Variants in ASH1L observed in about 807,000 individuals in gnomAD.
ASH1L encodes histone-lysine N-methyltransferase ASH1L.
A neutral mutation model predicts 269.0 loss-of-function variants in ASH1L; 23 were observed. That is an observed-to-expected ratio of 0.09 (90% CI 0.06 to 0.12). The LOEUF is 0.12. Among genes scored for constraint, ASH1L ranks in the 10% least tolerant of loss-of-function variants. The probability of loss-of-function intolerance (pLI) is 1.00; values close to 1 mark genes in which losing one functional copy is unlikely to be tolerated. For missense variants in ASH1L, 2,912 were observed against 3,567.8 expected, an observed-to-expected ratio of 0.82 and a Z score of 4.68; for synonymous variants, 1,187 against 1,253.5, an observed-to-expected ratio of 0.95 and a Z score of 1.12.
At chr1:155,554,574 A>T (rs1338050856) in intron 1 of ASH1L, among the ~76,000 whole-genome samples, 1 of 151,970 alleles carries the variant, frequency 6.6e-6, no homozygotes, top group Non-Finnish European at 1.5e-5. Context: ...GCCCAGCCTG[A>T]ATTTTTTATT....
At chr1:155,512,365 C>T (rs555406464) in intron 2 of ASH1L, among the ~76,000 whole-genome samples, 3 of 150,516 alleles carry the variant, frequency 2.0e-5, no homozygotes, top group South Asian at 4.2e-4. Context: ...TGCAGTAAGC[C>T]GAGATCACGC....
rs1656790767 is a variant in ASH1L, at chr1:155,379,907, G to A, written c.6177+136C>T. On this transcript the variant is annotated intron_variant, in intron 8 of 27. Transcript: ENST00000392403. ...GATGGATGCAAATTCATTTTTCTTA[G>A]TCCTAACCTTCACAGGGACACTTCT... 1.3e-5 allele frequency: 8 copies of A among 612,576 alleles called. No homozygotes were observed. The South Asian group carries it at 1.8e-4, about 14-fold the overall frequency. The allele number at this position is 612,576 out of a possible 1,614,324, so 37.9% of individuals were successfully genotyped here. A position where few individuals can be genotyped will look rare whatever the true frequency, so the allele number is the denominator to read the frequency against.
chr1:155,459,757 G>C (rs113404715), intron 4 of ASH1L, 40 bp downstream of exon 4: 1 of 1,498,368 alleles, frequency 6.7e-7, no homozygotes, highest in South Asian at 1.2e-5. Context: ...TAACAAATGG[G>C]AAACTATCTT....
intron 3 of ASH1L, among the ~76,000 whole-genome samples, chr1:155,474,566 T>G (rs1665381607): frequency 6.6e-6 from 1 of 152,162 alleles, no homozygotes; most frequent in African/African-American, 2.4e-5. Context: ...CTGGCATTGG[T>G]GGCTTGCACC....
chr1:155,373,087 C>T (rs879696784), intron 10 of ASH1L, among the ~76,000 whole-genome samples: 9 of 151,842 alleles, frequency 5.9e-5, no homozygotes, highest in South Asian at 2.1e-4. Context: ...GTGGTATGTG[C>T]CTATAGTCCC....
At chr1:155,554,799 A>G (rs1172553290) in intron 1 of ASH1L, among the ~76,000 whole-genome samples, 1 of 152,186 alleles carries the variant, frequency 6.6e-6, no homozygotes, top group Non-Finnish European at 1.5e-5. Context: ...TAGTCAGTGG[A>G]GTGAGGAATG....
chr1:155,481,398 T>C lies in ASH1L; in HGVS notation c.1472A>G (p.Glu491Gly), dbSNP rs1487104252. The C allele has an allele frequency of 3.1e-6, 5 of 1,613,900 alleles. No individual in the cohort carries two copies. In the Admixed American group the frequency reaches 6.7e-5, roughly 22 times the overall value. ...TGTTCCTTCATTAAACATTTCTTTCTCCAAATTAATGATTTCTTTTCGTAC... is the reference window on the plus strand; with the variant it reads ...TGTTCCTTCATTAAACATTTCTTTCCCCAAATTAATGATTTCTTTTCGTAC... ...FSVRKEIINL[E>G]KEMFNEGTCI... Residue 491 changes from glutamate (E) to glycine (G), a missense_variant, in exon 3 of 28, where the codon GAG (glutamate) becomes GGG (glycine). Transcript: ENST00000392403.
At chr1:155,475,006 A>G (rs1043430763) in intron 3 of ASH1L, among the ~76,000 whole-genome samples, 20 of 152,112 alleles carry the variant, frequency 1.3e-4, no homozygotes, top group African/African-American at 2.9e-4. Flanking sequence ...TTCTTAACAC[A>G]TTGTTTGGTC....
rs894646889 is a variant in ASH1L, at chr1:155,425,347, G to A, written c.5829-9424C>T. Among the ~76,000 whole-genome samples the A allele has an allele frequency of 4.0e-5, 6 of 148,550 alleles. No individual in the cohort carries two copies. The East Asian group carries it at 8.0e-4, about 20-fold the overall frequency. On this transcript the variant is annotated intron_variant, in intron 5 of 27. Transcript: ENST00000392403. ...GGCTGGAGTGCAGTGGCGCGATCTC[G>A]GATCACTGCAGCTTCTGCCTCCTGG... is the stretch of plus-strand genomic sequence containing the variant.
chr1:155,466,916 C>T (rs1467998644), intron 3 of ASH1L, among the ~76,000 whole-genome samples: 1 of 151,918 alleles, frequency 6.6e-6, no homozygotes, highest in Non-Finnish European at 1.5e-5. Context: ...ACTCAGTATT[C>T]TTTGCTTCAA....
Position 155,562,594 on chromosome 1 carries a change from A to C in ASH1L, c.-541T>G. The C allele has an allele frequency of 6.5e-7, 1 of 1,527,492 alleles. No homozygotes were observed. Among genetic ancestry groups the C allele is most frequent in the Non-Finnish European group, 8.8e-7 (1 of 1,141,330 alleles). 94.6% of individuals were successfully genotyped at this position (1,527,492 alleles called of 1,614,324 possible). A position where few individuals can be genotyped will look rare whatever the true frequency, so the allele number is the denominator to read the frequency against. ...GCCCGACTCCGTCCGCGTAGCGCGC[A>C]CGCCCGCCCGCACGCGTACGAGTGT... is the stretch of plus-strand genomic sequence containing the variant. On this transcript the variant is annotated 5_prime_UTR_variant, in exon 1 of 28. Coordinates refer to ENST00000392403, the MANE Select transcript of ASH1L (RefSeq NM_018489.3).
At chr1:155,529,226 G>A (rs922157791) in intron 1 of ASH1L, among the ~76,000 whole-genome samples, 2 of 152,146 alleles carry the variant, frequency 1.3e-5, no homozygotes, top group African/African-American at 2.4e-5. Context: ...GGACTGCTGA[G>A]TCAAATGTTA....
chr1:155,547,962 C>T (rs185762221), intron 1 of ASH1L, among the ~76,000 whole-genome samples: 1 of 152,068 alleles, frequency 6.6e-6, no homozygotes, highest in Non-Finnish European at 1.5e-5. Flanking sequence ...GGCGACAGAG[C>T]GAGACTCCGT....
At chr1:155,380,507 A>G (rs1163822656) in intron 7 of ASH1L, among the ~76,000 whole-genome samples, 4 of 152,082 alleles carry the variant, frequency 2.6e-5, no homozygotes, top group South Asian at 4.2e-4. Flanking sequence ...TGTTTAAATA[A>G]CTCGAGAAGT....
intron 4 of ASH1L, among the ~76,000 whole-genome samples, chr1:155,458,080 C>G (rs1477098210): frequency 6.6e-6 from 1 of 152,172 alleles, no homozygotes; most frequent in African/African-American, 2.4e-5. Flanking sequence ...GGCTGAGTTT[C>G]CTTACCCTGG....
chr1:155,380,577 GTTTGA>G (rs1047935133), intron 7 of ASH1L, among the ~76,000 whole-genome samples: 13 of 151,350 alleles, frequency 8.6e-5, no homozygotes, highest in Non-Finnish European at 1.3e-4. Context: ...TAGTATTTTT[GTTTGA>G]TTTTTTTGTT....
chr1:155,437,013 G>T (rs1662154959), intron 5 of ASH1L, among the ~76,000 whole-genome samples: 1 of 152,020 alleles, frequency 6.6e-6, no homozygotes, highest in Non-Finnish European at 1.5e-5. Flanking sequence ...TTATTTCTGG[G>T]CTCTCTATTC....
chr1:155,549,394 T>C (rs1042126530), intron 1 of ASH1L, among the ~76,000 whole-genome samples: 3 of 152,102 alleles, frequency 2.0e-5, no homozygotes, highest in African/African-American at 7.2e-5. Flanking sequence ...TCCCAGCACT[T>C]TGGGAGTCCA....
At chr1:155,338,025 T>C in intron 27 of ASH1L, 64 bp downstream of exon 27, 5 of 1,507,804 alleles carry the variant, frequency 3.3e-6, no homozygotes, top group Middle Eastern at 1.8e-4. Flanking sequence ...AATTACAATT[T>C]TTTTCCATTC....
Sources: allele counts gnomAD v4.1 joint callset (sites outside exome capture counted in the v4.1 genomes callset), GRCh38; gene constraint gnomAD v4.1.1; transcripts MANE v1.5; gene names NCBI Gene and HGNC (gene_info 2026-07-23, HGNC 2026-07-21).